The following CENPU variants were observed in gnomAD, a reference collection of about 807,000 sequenced individuals.
CENPU encodes the protein centromere protein U, also known as KSHV latent nuclear antigen interacting protein 1.
CENPU carries 46 observed loss-of-function variants against 56.7 expected under a neutral mutation model. The observed-to-expected ratio is 0.81, with a 90% CI of 0.64 to 1.04. CENPU has a LOEUF of 1.04. Among genes scored for constraint, CENPU ranks in the 50% least tolerant of loss-of-function variants. CENPU has a pLI of 0.00. For synonymous variants in CENPU, 166 were observed against 163.0 expected, an observed-to-expected ratio of 1.02 and a Z score of -0.14; for missense variants, 510 against 490.1, an observed-to-expected ratio of 1.04 and a Z score of -0.38.
At chr4:184,727,627 T>C (rs961202639) in intron 3 of CENPU, among the ~76,000 whole-genome samples, 2 of 152,170 alleles carry the variant, frequency 1.3e-5, no homozygotes, top group Non-Finnish European at 1.5e-5. Context: ...AGAATTACCA[T>C]AGGACTCAGC....
At chr4:184,714,054 C>CATGG (rs564417851) in intron 6 of CENPU, 69 of 152,366 alleles carry the variant, frequency 4.5e-4, no homozygotes, top group African/African-American at 1.5e-3. Context: ...GGTAAAGGTA[C>CATGG]ATGGGAAAGA....
intron 1 of CENPU, chr4:184,733,486 A>C: frequency 2.3e-6 from 2 of 885,246 alleles, no homozygotes; most frequent in Non-Finnish European, 2.7e-6. Context: ...CAACCGACCA[A>C]ACGCTCGCTT....
At chr4:184,714,883 T>C (rs1761037460) in intron 6 of CENPU, among the ~76,000 whole-genome samples, 1 of 150,082 alleles carries the variant, frequency 6.7e-6, no homozygotes, top group African/African-American at 2.5e-5. Context: ...AAGCAGACCA[T>C]GCCCCATCAC....
intron 6 of CENPU, 28 bp downstream of exon 6, chr4:184,716,369 C>T (rs745656): frequency 0.15 from 227,152 of 1,492,772 alleles, 18,588 homozygotes; most frequent in African/African-American, 0.27. Context: ...CTTTTTTTGC[C>T]CTCCTAGGGG....
At position 184,728,676 on chromosome 4, in the gene CENPU, C is replaced by T. The variant is rs1009898381; in HGVS notation, c.214+242G>A. Among the ~76,000 whole-genome samples, 4 of 152,176 alleles carry T rather than the reference C, an allele frequency of 2.6e-5. 1 individual carries two copies. The highest frequency in any genetic ancestry group is 4.1e-4 in the South Asian group (2 of 4,828). On this transcript the variant is annotated intron_variant, in intron 3 of 12. Coordinates refer to ENST00000281453, the MANE Select transcript of CENPU (RefSeq NM_024629.4). The stretch of plus-strand genomic sequence containing the variant: ...TATTACAGAGTACTATAGTAAGCGT[C>T]CTCATGTGACCAGATTGTTAATGAA...
chr4:184,727,511 G>GT (rs1163480437), intron 3 of CENPU, among the ~76,000 whole-genome samples: 1 of 152,166 alleles, frequency 6.6e-6, no homozygotes, highest in South Asian at 2.1e-4. Flanking sequence ...AAAAAACTCA[G>GT]TAAGTTTTGG....
At chr4:184,722,004 A>G (rs1761295086) in intron 4 of CENPU, among the ~76,000 whole-genome samples, 1 of 152,240 alleles carries the variant, frequency 6.6e-6, no homozygotes, top group South Asian at 2.1e-4. Flanking sequence ...AGGTCACAAA[A>G]CAAGTCTTAA....
intron 8 of CENPU, among the ~76,000 whole-genome samples, chr4:184,707,847 G>A (rs1760779795): frequency 6.6e-6 from 1 of 152,182 alleles, no homozygotes; most frequent in African/African-American, 2.4e-5. Flanking sequence ...TAGAATAGCT[G>A]ATCCAGTAAT....
In CENPU at chr4:184,695,476, C is replaced by T; in HGVS notation, c.1144-75G>A. 3.0e-6 allele frequency: 3 copies of T among 983,692 alleles called. No individual in the cohort carries two copies. The East Asian group carries it at 7.4e-5, about 24-fold the overall frequency. 60.9% of individuals were successfully genotyped at this position (983,692 alleles called of 1,614,324 possible). ...GTCCTTAGATAGCCCAATCTTATGA[C>T]TAATGCAAATTTTGATTGAGCTTTC... On this transcript the variant is annotated intron_variant, in intron 12 of 12. Coordinates refer to ENST00000281453, the MANE Select transcript of CENPU (RefSeq NM_024629.4).
At chr4:184,714,930 G>C (rs1761039888) in intron 6 of CENPU, among the ~76,000 whole-genome samples, 1 of 152,046 alleles carries the variant, frequency 6.6e-6, no homozygotes, top group South Asian at 2.1e-4. Flanking sequence ...CCAAATCTCT[G>C]AACTACACTC....
intron 10 of CENPU, 76 bp downstream of exon 10, chr4:184,702,013 C>G: frequency 6.4e-6 from 6 of 940,512 alleles, no homozygotes; most frequent in Non-Finnish European, 8.4e-6. Context: ...GGCTGTAAAC[C>G]CAGAGTCAAG....
intron 11 of CENPU, among the ~76,000 whole-genome samples, chr4:184,699,171 CA>C (rs1034992003): frequency 6.7e-6 from 1 of 150,322 alleles, no homozygotes; most frequent in Non-Finnish European, 1.5e-5. Context: ...ACTAAAAATA[CA>C]AAAAAAAATT....
Position 184,702,180 on chromosome 4 carries a change from T to A in CENPU, c.877-44A>T, listed in dbSNP as rs562407742. The A allele has an allele frequency of 6.1e-5, 89 of 1,453,272 alleles. No individual in the cohort carries two copies. The Middle Eastern group carries it at 1.4e-3, about 23-fold the overall frequency. 90.0% of individuals were successfully genotyped at this position (1,453,272 alleles called of 1,614,324 possible). A position where few individuals can be genotyped will look rare whatever the true frequency, so the allele number is the denominator to read the frequency against. ...ACACATGTACATCAGTTTCCAAAAG[T>A]AAATGTTAATTAGTTTCACATGTGT... On this transcript the variant is annotated intron_variant, in intron 9 of 12. Transcript: ENST00000281453.
intron 3 of CENPU, among the ~76,000 whole-genome samples, chr4:184,727,677 G>C (rs1761505752): frequency 6.6e-6 from 1 of 152,136 alleles, no homozygotes; most frequent in Admixed American, 6.5e-5. Context: ...AGTGAAAAAA[G>C]TCCACACAAA....
chr4:184,731,533 A>T (rs1761645203), intron 1 of CENPU, among the ~76,000 whole-genome samples: 1 of 152,216 alleles, frequency 6.6e-6, no homozygotes, highest in South Asian at 2.1e-4. Context: ...GCTTCAAGAA[A>T]ACAAATGTAA....
chr4:184,716,236 T>C (rs1156387671), intron 6 of CENPU, among the ~76,000 whole-genome samples, 161 bp downstream of exon 6: 1 of 152,174 alleles, frequency 6.6e-6, no homozygotes, highest in Admixed American at 6.5e-5. Context: ...CGCCCGGCCA[T>C]ACCATCTAGA....
intron 1 of CENPU, among the ~76,000 whole-genome samples, chr4:184,733,008 T>G (rs1761707467): frequency 6.9e-6 from 1 of 144,742 alleles, no homozygotes; most frequent in African/African-American, 2.6e-5. Context: ...AAAAAAAAAT[T>G]CTGTTGTATG....
chr4:184,700,589 A>G (rs921123368), intron 11 of CENPU, among the ~76,000 whole-genome samples: 3 of 152,228 alleles, frequency 2.0e-5, no homozygotes, highest in African/African-American at 4.8e-5. Flanking sequence ...TCTAGGCATT[A>G]TATCTCTTAA....
In CENPU at chr4:184,697,647, C is replaced by T. The variant is rs200636692; in HGVS notation, c.1143G>A (p.Thr381=). The change falls in exon 12 of 13, where the codon ACG becomes ACA. Residue 381 remains threonine (T), a splice_region_variant and synonymous_variant. Transcript: ENST00000281453. ...VQAQEPNVKE[T]YDSSSLPALL... ...TGGTAAAAAGTAAAATTGGAGTTACCGTTTCCTTTACGTTTGGTTCTTGAG... is the reference window on the plus strand; with the variant it reads ...TGGTAAAAAGTAAAATTGGAGTTACTGTTTCCTTTACGTTTGGTTCTTGAG... 1.1e-5 allele frequency: 17 copies of T among 1,611,884 alleles called. No homozygotes were observed. Among genetic ancestry groups the T allele is most frequent in the Admixed American group, 6.7e-5 (4 of 59,506 alleles).
Sources: gnomAD v4.1 joint callset for allele counts (sites outside exome capture counted in the v4.1 genomes callset) on GRCh38, gnomAD v4.1.1 for gene constraint, MANE v1.5 for transcripts, NCBI Gene and HGNC (gene_info 2026-07-23, HGNC 2026-07-21) for gene names.